RIMS1: variants seen among roughly 807,000 people sequenced by gnomAD.
RIMS1 encodes the protein regulating synaptic membrane exocytosis 1.
In RIMS1, 83 loss-of-function variants were observed where a neutral mutation model predicts 214.1. That is an observed-to-expected ratio of 0.39 (90% CI 0.32 to 0.47). The LOEUF is 0.47. Among genes scored for constraint, RIMS1 ranks in the 20% least tolerant of loss-of-function variants. The probability of loss-of-function intolerance (pLI) is 0.99; values close to 1 mark genes in which losing one functional copy is unlikely to be tolerated. For missense variants in RIMS1, 2,050 were observed against 2,161.8 expected (o/e 0.95, Z 1.03); for synonymous variants, 793 against 786.8 (o/e 1.01, Z -0.13).
intron 2 of RIMS1, among the ~76,000 whole-genome samples, chr6:72,067,195 A>G (rs1311371523): frequency 1.3e-5 from 2 of 152,132 alleles, no homozygotes; most frequent in Non-Finnish European, 2.9e-5. Context: ...TTAAAATACT[A>G]CAGTCAGGTC....
At chr6:72,138,769 A>C (rs146089570) in intron 4 of RIMS1, among the ~76,000 whole-genome samples, 1 of 152,352 alleles carries the variant, frequency 6.6e-6, no homozygotes, top group Non-Finnish European at 1.5e-5. Context: ...CATTTTCACT[A>C]TCAGATTGAC....
intron 23 of RIMS1, among the ~76,000 whole-genome samples, chr6:72,278,753 A>G (rs1248365605): frequency 4.6e-5 from 7 of 152,208 alleles, no homozygotes; most frequent in African/African-American, 1.7e-4. Context: ...AATAATATAC[A>G]GGAAGGTAAA....
At position 72,250,390 on chromosome 6, in the gene RIMS1, G is replaced by C; in HGVS notation, c.2302G>C (p.Asp768His). The change falls in exon 13 of 34, where the codon GAT becomes CAT. Residue 768 changes from aspartate (D) to histidine (H), a missense_variant. This residue lies in a region of RIMS1 where 889 missense variants were observed against 885.5 expected (regional missense o/e 1.00). Coordinates refer to ENST00000521978, the MANE Select transcript of RIMS1 (RefSeq NM_014989.7). ...GATTGTAAATGTTCTGCAAGCAACA[G>C]ATCTACCTGCTAGAGTAGATGGACG... ...QLIVNVLQAT[D>H]LPARVDGRPR... is the part of the protein sequence containing the mutation. 6.2e-7 allele frequency: 1 copy of C among 1,607,736 alleles called. No individual in the cohort carries two copies. The highest frequency in any genetic ancestry group is 1.1e-5 in the South Asian group (1 of 90,572).
chr6:72,012,150 A>G (rs1196578760), intron 2 of RIMS1, among the ~76,000 whole-genome samples: 1 of 152,246 alleles, frequency 6.6e-6, no homozygotes, highest in Non-Finnish European at 1.5e-5. Context: ...CTATGCAGCC[A>G]TAAAAACTGA....
At chr6:71,984,809 CTATCTATCTAT>C (rs1158638587) in intron 2 of RIMS1, among the ~76,000 whole-genome samples, 4 of 127,590 alleles carry the variant, frequency 3.1e-5, no homozygotes, top group Admixed American at 7.9e-5. Context: ...ATCTATCTAT[CTATCTATCTAT>C]TATGTTTGTA....
chr6:71,924,413 G>T (rs1385104017), intron 1 of RIMS1, among the ~76,000 whole-genome samples: 1 of 151,890 alleles, frequency 6.6e-6, no homozygotes, highest in Non-Finnish European at 1.5e-5. Context: ...TAAAGAGGAC[G>T]TAAAGATTGT....
intron 4 of RIMS1, among the ~76,000 whole-genome samples, chr6:72,135,867 AC>A (rs1005169027): frequency 2.3e-4 from 35 of 152,258 alleles, no homozygotes; most frequent in African/African-American, 8.4e-4. Context: ...ACCCACGGTG[AC>A]CCCATCTGTT....
chr6:72,377,844 T>C (rs1200818286), intron 29 of RIMS1, among the ~76,000 whole-genome samples: 1 of 152,212 alleles, frequency 6.6e-6, no homozygotes, highest in African/African-American at 2.4e-5. Flanking sequence ...ATCAAACTTA[T>C]TTTATTCTTT....
At chr6:72,164,882 T>C (rs534577912) in intron 4 of RIMS1, among the ~76,000 whole-genome samples, 13 of 152,334 alleles carry the variant, frequency 8.5e-5, no homozygotes, top group African/African-American at 3.1e-4. Flanking sequence ...GATCCCATCA[T>C]TGAGGTTTCA....
At chr6:71,940,466 G>T (rs1376352566) in intron 1 of RIMS1, among the ~76,000 whole-genome samples, 6 of 152,082 alleles carry the variant, frequency 3.9e-5, no homozygotes, top group Non-Finnish European at 7.4e-5. Context: ...TCATGGAATG[G>T]GTCAAAGAGA....
intron 2 of RIMS1, among the ~76,000 whole-genome samples, chr6:72,079,310 G>A (rs1832698915): frequency 6.6e-6 from 1 of 152,182 alleles, no homozygotes; most frequent in Admixed American, 6.5e-5. Context: ...TAAGCTGTTT[G>A]ATGTATCAAG....
intron 4 of RIMS1, among the ~76,000 whole-genome samples, chr6:72,149,053 T>C (rs762927825): frequency 2.0e-5 from 3 of 152,016 alleles, no homozygotes; most frequent in Non-Finnish European, 4.4e-5. Flanking sequence ...TGTGAACTCC[T>C]GACATGGTGG....
chr6:71,980,773 GA>G (rs1387561002), intron 2 of RIMS1, among the ~76,000 whole-genome samples: 1 of 151,976 alleles, frequency 6.6e-6, no homozygotes, highest in South Asian at 2.1e-4. Context: ...AATGACTCCA[GA>G]AAAAATGGAT....
At chr6:71,938,859 G>C (rs1468104126) in intron 1 of RIMS1, among the ~76,000 whole-genome samples, 1 of 152,108 alleles carries the variant, frequency 6.6e-6, no homozygotes, top group Non-Finnish European at 1.5e-5. Flanking sequence ...CACACCCTCG[G>C]TTTGCTCTCC....
intron 2 of RIMS1, among the ~76,000 whole-genome samples, chr6:72,079,325 G>T (rs1354535606): frequency 1.3e-5 from 2 of 152,150 alleles, no homozygotes; most frequent in Non-Finnish European, 2.9e-5. Context: ...ATCAAGCAGG[G>T]TCTACCTTCA....
At chr6:72,058,458 C>A (rs1006522549) in intron 2 of RIMS1, among the ~76,000 whole-genome samples, 9 of 152,140 alleles carry the variant, frequency 5.9e-5, no homozygotes, top group Non-Finnish European at 8.8e-5. Context: ...TTTTGGAAGC[C>A]CCTCTGGGGT....
intron 6 of RIMS1, among the ~76,000 whole-genome samples, chr6:72,186,446 A>G (rs2049110065): frequency 6.6e-6 from 1 of 152,254 alleles, no homozygotes; most frequent in African/African-American, 2.4e-5. Context: ...GAGAATGATT[A>G]TCACAAAAAG....
chr6:72,134,553 G>A lies in RIMS1; in HGVS notation c.471+34567G>A, dbSNP rs545170266. Among the ~76,000 whole-genome samples, 23 of 152,104 alleles carry A rather than the reference G, an allele frequency of 1.5e-4. No individual in the cohort carries two copies. The East Asian group carries it at 2.1e-3, about 14-fold the overall frequency. The stretch of plus-strand genomic sequence containing the variant: ...CCTGGCTTCTCTACTCATGAGTTTC[G>A]TAACTTAAGATGATCTATGTAACTA... On this transcript the variant is annotated intron_variant, in intron 4 of 33. Coordinates refer to ENST00000521978, the MANE Select transcript of RIMS1 (RefSeq NM_014989.7).
intron 4 of RIMS1, among the ~76,000 whole-genome samples, chr6:72,122,889 A>G (rs1200875759): frequency 6.6e-6 from 1 of 151,554 alleles, no homozygotes; most frequent in South Asian, 2.1e-4. Context: ...TAGTCTTGCT[A>G]GTGGTCTATT....
Sources: gnomAD v4.1 joint callset for allele counts (sites outside exome capture counted in the v4.1 genomes callset) on GRCh38, gnomAD v4.1.1 for gene constraint, gnomAD v4.1.1 regional missense constraint, MANE v1.5 for transcripts, NCBI Gene and HGNC (gene_info 2026-07-23, HGNC 2026-07-21) for gene names.